ZNF235: variants seen among roughly 807,000 people sequenced by gnomAD.
The protein encoded by ZNF235 is zfp-93.
A neutral mutation model predicts 29.4 loss-of-function variants in ZNF235; 25 were observed. The observed-to-expected ratio is 0.85, with a 90% confidence interval of 0.62 to 1.19. The LOEUF (loss-of-function observed/expected upper bound fraction) is 1.19. ZNF235 is among the 50% of genes most tolerant of loss of function. ZNF235 has a pLI of 0.00. For missense variants in ZNF235, 788 were observed against 885.0 expected, an observed-to-expected ratio of 0.89 and a Z score of 1.39; for synonymous variants, 300 against 295.3, an observed-to-expected ratio of 1.02 and a Z score of -0.16.
chr19:44,303,573 T>C (rs1975787027), intron 1 of ZNF235, 121 bp from the exon 2 acceptor site: 1 of 794,118 alleles, frequency 1.3e-6, no homozygotes, highest in African/African-American at 1.8e-5. Context: ...GCACACGGCT[T>C]AGTGAGGAGA....
intron 4 of ZNF235, among the ~76,000 whole-genome samples, chr19:44,293,760 C>T (rs537878643): frequency 1.3e-5 from 2 of 152,008 alleles, no homozygotes; most frequent in East Asian, 3.9e-4. Context: ...AAATCAATTC[C>T]AAGAAGAACT....
chr19:44,296,041 A>T (rs1465033674), intron 4 of ZNF235, among the ~76,000 whole-genome samples: 1 of 152,200 alleles, frequency 6.6e-6, no homozygotes, highest in Non-Finnish European at 1.5e-5. Context: ...CCAAGTGGTC[A>T]AAGTAGAAAT....
At chr19:44,299,919 T>C (rs1420720431) in intron 2 of ZNF235, among the ~76,000 whole-genome samples, 187 bp from the exon 3 acceptor site, 2 of 152,226 alleles carry the variant, frequency 1.3e-5, no homozygotes, top group Non-Finnish European at 2.9e-5. Context: ...AGAACTGTCA[T>C]TGTTAAATCA....
Position 44,287,070 on chromosome 19 carries a change from TA to T in ZNF235, c.*147del. The T allele has an allele frequency of 1.2e-6, 1 of 813,166 alleles. No individual in the cohort carries two copies. The highest frequency in any genetic ancestry group is 1.7e-5 in the African/African-American group (1 of 58,260). The allele number at this position is 813,166 out of a possible 1,614,324, so 50.4% of individuals were successfully genotyped here. The stretch of plus-strand genomic sequence containing the variant: ...AAAGAATTCATGTCCTAACCAAGTC[TA>T]AAACACAGCATTTGAGAGACTTCTT... On this transcript the variant is annotated 3_prime_UTR_variant, in exon 5 of 5. Coordinates refer to ENST00000291182, the MANE Select transcript of ZNF235 (RefSeq NM_004234.4).
chr19:44,300,839 C>CAAA (rs143676501), intron 2 of ZNF235, among the ~76,000 whole-genome samples: 5 of 95,896 alleles, frequency 5.2e-5, no homozygotes, highest in Non-Finnish European at 1.0e-4. Flanking sequence ...GACTCCGTCT[C>CAAA]AAAAAAAAAA....
intron 4 of ZNF235, chr19:44,289,707 A>G (rs1975559831): frequency 6.6e-6 from 1 of 152,390 alleles, no homozygotes. Flanking sequence ...ATATCTCAGT[A>G]AGTACTTAGA....
In ZNF235 at chr19:44,287,299, T is replaced by C; in HGVS notation, c.2136A>G (p.Ile712Met). Residue 712 changes from isoleucine (I) to methionine (M), a missense_variant, in exon 5 of 5, where the codon ATA (isoleucine) becomes ATG (methionine). Transcript: ENST00000291182. ...QRVHTGERPY[I>M]CDVCCKGFSQ... is the part of the protein sequence containing the mutation. ...TGAAGCCCTTACAACAGACATCACATATGTAAGGCCTCTCTCCAGTGTGGA... is the reference window on the plus strand; with the variant it reads ...TGAAGCCCTTACAACAGACATCACACATGTAAGGCCTCTCTCCAGTGTGGA... 1.9e-6 allele frequency: 3 copies of C among 1,613,048 alleles called. No homozygotes were observed. The highest frequency in any genetic ancestry group is 2.5e-6 in the Non-Finnish European group (3 of 1,179,522).
intron 4 of ZNF235, 60 bp from the exon 5 acceptor site, chr19:44,289,256 G>C (rs569548517): frequency 7.0e-7 from 1 of 1,435,492 alleles, no homozygotes; most frequent in South Asian, 1.5e-5. Flanking sequence ...GCAAAGTAGA[G>C]AATTAAGATC....
Position 44,287,234 on chromosome 19 carries a change from G to T in ZNF235, c.2201C>A (p.Thr734Asn). The change falls in exon 5 of 5, where the codon ACT becomes AAT. Residue 734 changes from threonine (T) to asparagine (N), a missense_variant. Coordinates refer to ENST00000291182, the MANE Select transcript of ZNF235 (RefSeq NM_004234.4). ...SHLIYHQRVH[T>N]GGNL The stretch of plus-strand genomic sequence containing the variant: ...CTCTCATTTCTACAGATTCCCTCCA[G>T]TGTGGACTCTCTGATGGTAGATGAG... 1 of 1,604,780 alleles carries T rather than the reference G, an allele frequency of 6.2e-7. No individual in the cohort carries two copies. Among genetic ancestry groups the T allele is most frequent in the South Asian group, 1.1e-5 (1 of 89,604 alleles).
At position 44,288,937 on chromosome 19, in the gene ZNF235, G is replaced by C. The variant is rs749542817; in HGVS notation, c.498C>G (p.Ser166=). 7.4e-6 allele frequency: 12 copies of C among 1,613,908 alleles called. No homozygotes were observed. Among genetic ancestry groups the C allele is most frequent in the Non-Finnish European group, 1.0e-5 (12 of 1,179,992 alleles). Residue 166 remains serine, a synonymous_variant, in exon 5 of 5, where the codon TCC becomes TCG. Transcript: ENST00000291182. ...NCLVNHIGDH[S]SIIENQEFPT... is the part of the protein sequence containing the mutation. The stretch of plus-strand genomic sequence containing the variant: ...GAAATTCTTGATTTTCAATGATACT[G>C]GAATGATCCCCTATGTGATTCACTA...
intron 4 of ZNF235, among the ~76,000 whole-genome samples, chr19:44,295,829 T>A (rs754588981): frequency 1.3e-5 from 2 of 152,052 alleles, no homozygotes; most frequent in Admixed American, 6.5e-5. Context: ...GAAAAAAACA[T>A]ACACTGGGGA....
rs551039938 is a variant in ZNF235 at position 44,304,936 on chromosome 19, C to T, written c.-49+35G>A. ...TGGCCCCACGCCTAGGCAAAGAGGGCTCGGAGAAGTCTTGGAGACCCGGAG... is the reference window on the plus strand; with the variant it reads ...TGGCCCCACGCCTAGGCAAAGAGGGTTCGGAGAAGTCTTGGAGACCCGGAG... On this transcript the variant is annotated intron_variant, in intron 1 of 4. Transcript: ENST00000291182. 1.1e-4 allele frequency: 105 copies of T among 985,482 alleles called. 1 individual carries two copies. In the South Asian group the frequency reaches 4.2e-3, roughly 40 times the overall value. 61.0% of individuals were successfully genotyped at this position (985,482 alleles called of 1,614,324 possible).
rs147239439 is a variant in ZNF235, at chr19:44,296,306, T to C, written c.238+2502A>G. 2.4e-3 allele frequency among the ~76,000 whole-genome samples: 368 copies of C among 152,326 alleles called. 3 individuals are homozygous for C. The highest frequency in any genetic ancestry group is 0.01 in the Middle Eastern group (3 of 294). ...ATACAGAGTCTATGGCATTATTTAC[T>C]TTTCTATGTTTTTTAAGTTTTCAAA... On this transcript the variant is annotated intron_variant, in intron 4 of 4. Coordinates refer to ENST00000291182, the MANE Select transcript of ZNF235 (RefSeq NM_004234.4).
rs112455654 is a variant in ZNF235 at position 44,295,676 on chromosome 19, C to T, written c.238+3132G>A. Among the ~76,000 whole-genome samples the T allele has an allele frequency of 2.0e-3, 300 of 152,234 alleles. 1 individual carries two copies. Among genetic ancestry groups the T allele is most frequent in the African/African-American group, 6.9e-3 (286 of 41,538 alleles). On this transcript the variant is annotated intron_variant, in intron 4 of 4. Transcript: ENST00000291182. ...TAACAAAGCTGGAGGCATTACATTA[C>T]CTGACTTCAAATTACACTACATGGC...
rs528219056 is a variant in ZNF235 at position 44,298,663 on chromosome 19, T to C, written c.238+145A>G. On this transcript the variant is annotated intron_variant, in intron 4 of 4. Coordinates refer to ENST00000291182, the MANE Select transcript of ZNF235 (RefSeq NM_004234.4). ...CCACCTGCCAGGCCTCCCAAAGTGC[T>C]GGGATTAGAGGCTTGAGCCATCGCG... 60 of 597,236 alleles carry C rather than the reference T, an allele frequency of 1.0e-4. No individual in the cohort carries two copies. In the East Asian group the frequency reaches 1.7e-3, roughly 17 times the overall value. The allele number at this position is 597,236 out of a possible 1,614,324, so 37.0% of individuals were successfully genotyped here.
rs779561979 is a variant in ZNF235 at position 44,288,376 on chromosome 19, A to T, written c.1059T>A (p.Gly353=). 6.2e-7 allele frequency: 1 copy of T among 1,614,026 alleles called. No homozygotes were observed. ...GATGTGAGCTCTGATTAAAGCTCTT[A>T]CCACACTCGTGGCATGTATAGGGTT... The part of the protein sequence containing the change: ...GEKPYTCHEC[G]KSFNQSSHLY... The change falls in exon 5 of 5, where the codon GGT becomes GGA. Residue 353 remains glycine (G), a synonymous_variant. Transcript: ENST00000291182.
In ZNF235 at chr19:44,304,888, C is replaced by T. The variant is rs572107507; in HGVS notation, c.-49+83G>A. 5.8e-5 allele frequency: 57 copies of T among 985,494 alleles called. No homozygotes were observed. The South Asian group carries it at 2.0e-3, about 35-fold the overall frequency. 61.0% of individuals were successfully genotyped at this position (985,494 alleles called of 1,614,324 possible). On this transcript the variant is annotated intron_variant, in intron 1 of 4. Transcript: ENST00000291182. ...AGCGCTGGCCGCGGCTTCTCTTCCCCAAGCCAAGGACGGGTTCATTGCTGG... is the reference window on the plus strand; with the variant it reads ...AGCGCTGGCCGCGGCTTCTCTTCCCTAAGCCAAGGACGGGTTCATTGCTGG...
At chr19:44,303,087 T>A (rs2123109640) in intron 2 of ZNF235, among the ~76,000 whole-genome samples, 1 of 101,430 alleles carries the variant, frequency 9.9e-6, no homozygotes, top group East Asian at 2.7e-4. Context: ...ATATAATACA[T>A]ATATACAAAT....
chr19:44,295,722 C>T (rs186930241), intron 4 of ZNF235, among the ~76,000 whole-genome samples: 13 of 152,008 alleles, frequency 8.6e-5, no homozygotes, highest in Non-Finnish European at 1.9e-4. Context: ...AAAACAGCAT[C>T]GTACTGATAT....
Sources: gnomAD v4.1 joint callset for allele counts (sites outside exome capture counted in the v4.1 genomes callset) on GRCh38, gnomAD v4.1.1 for gene constraint, MANE v1.5 for transcripts, NCBI Gene and HGNC (gene_info 2026-07-23, HGNC 2026-07-21) for gene names.